NLGN1: variants seen among roughly 807,000 people sequenced by gnomAD.
NLGN1 encodes the protein neuroligin 1.
NLGN1 carries 12 observed loss-of-function variants against 65.5 expected under a neutral mutation model. The ratio of observed to expected loss-of-function variants is 0.18; its 90% confidence interval spans 0.12 to 0.30. The LOEUF (loss-of-function observed/expected upper bound fraction) is 0.30. Among genes scored for constraint, NLGN1 ranks in the 10% least tolerant of loss-of-function variants. NLGN1 has a pLI of 1.00. For synonymous variants in NLGN1, 350 were observed against 359.5 expected (o/e 0.97, Z 0.30); for missense variants, 750 against 1,007.1 (o/e 0.74, Z 3.46).
chr3:174,154,926 TA>T (rs1384180569), intron 4 of NLGN1, among the ~76,000 whole-genome samples: 1 of 70,968 alleles, frequency 1.4e-5, no homozygotes, highest in Non-Finnish European at 2.4e-5. Flanking sequence ...TATTTATATT[TA>T]ATTTATATTT....
chr3:173,398,829 T>G (rs970307360), intron 1 of NLGN1, among the ~76,000 whole-genome samples: 14 of 152,332 alleles, frequency 9.2e-5, no homozygotes, highest in Middle Eastern at 3.4e-3. Flanking sequence ...TATTTTTGCT[T>G]AAGTCAATTG....
intron 2 of NLGN1, among the ~76,000 whole-genome samples, chr3:173,460,539 G>A (rs1342127920): frequency 6.6e-6 from 1 of 152,124 alleles, no homozygotes; most frequent in East Asian, 1.9e-4. Flanking sequence ...CTCAAGAACT[G>A]AAGGTATGGT....
chr3:173,996,482 T>C (rs1449633386), intron 4 of NLGN1, among the ~76,000 whole-genome samples: 1 of 152,142 alleles, frequency 6.6e-6, no homozygotes, highest in Admixed American at 6.6e-5. Context: ...TGGACCACAA[T>C]TTGAGAAACC....
intron 3 of NLGN1, among the ~76,000 whole-genome samples, chr3:173,797,699 C>CAACAAAA (rs1553852792): frequency 6.8e-6 from 1 of 147,218 alleles, no homozygotes; most frequent in Non-Finnish European, 1.5e-5. Flanking sequence ...ACAACAACAA[C>CAACAAAA]AAAAAAAAAC....
At chr3:174,245,856 A>G (rs1195882268) in intron 4 of NLGN1, among the ~76,000 whole-genome samples, 1 of 152,180 alleles carries the variant, frequency 6.6e-6, no homozygotes, top group Non-Finnish European at 1.5e-5. Flanking sequence ...ATTAGATGGA[A>G]AGGTTACCTA....
intron 1 of NLGN1, among the ~76,000 whole-genome samples, chr3:173,430,258 A>G (rs1716936349): frequency 6.6e-6 from 1 of 152,146 alleles, no homozygotes; most frequent in Non-Finnish European, 1.5e-5. Context: ...GAGTCATCAC[A>G]TCCTCAGTTT....
intron 2 of NLGN1, among the ~76,000 whole-genome samples, chr3:173,437,697 G>T (rs1718390958): frequency 6.6e-6 from 1 of 152,032 alleles, no homozygotes; most frequent in Non-Finnish European, 1.5e-5. Flanking sequence ...CGTGCATCGT[G>T]TGTTGTTTCT....
At chr3:173,583,419 G>C (rs1746710793) in intron 2 of NLGN1, among the ~76,000 whole-genome samples, 1 of 152,162 alleles carries the variant, frequency 6.6e-6, no homozygotes, top group Non-Finnish European at 1.5e-5. Context: ...AAAAGTGATG[G>C]CCCAAAGTCA....
intron 4 of NLGN1, among the ~76,000 whole-genome samples, chr3:174,014,007 A>T (rs1272674339): frequency 6.6e-6 from 1 of 151,790 alleles, no homozygotes; most frequent in Non-Finnish European, 1.5e-5. Flanking sequence ...GAGCCACCAC[A>T]CCTGGCTGAA....
rs372675418 is a variant in NLGN1, at chr3:173,872,507, A to G, written c.646+64675A>G. On this transcript the variant is annotated intron_variant, in intron 4 of 6. Coordinates refer to ENST00000457714, the Ensembl canonical transcript of NLGN1. ...AACAAAGTTTTGTGTTAAACAGAAA[A>G]TTTATTCTTCTGCTTTTACTATAGA... is the stretch of plus-strand genomic sequence containing the variant. Among the ~76,000 whole-genome samples the G allele has an allele frequency of 2.6e-5, 4 of 152,102 alleles. 1 individual carries two copies. The highest frequency in any genetic ancestry group is 3.9e-4 in the East Asian group (2 of 5,176).
At chr3:173,788,778 A>G (rs770955789) in intron 3 of NLGN1, among the ~76,000 whole-genome samples, 18 of 145,408 alleles carry the variant, frequency 1.2e-4, no homozygotes, top group Middle Eastern at 7.5e-3. Flanking sequence ...CCATGATCAC[A>G]CCTGTGAATA....
At chr3:173,964,698 T>C (rs1468005296) in intron 4 of NLGN1, among the ~76,000 whole-genome samples, 1 of 152,218 alleles carries the variant, frequency 6.6e-6, no homozygotes. Flanking sequence ...TAATAATGGT[T>C]CTTCCAAAAT....
chr3:173,427,121 CA>C (rs1716253766), intron 1 of NLGN1, among the ~76,000 whole-genome samples: 1 of 151,856 alleles, frequency 6.6e-6, no homozygotes. Flanking sequence ...TGGTTCTTCA[CA>C]ATAATCTCCA....
At chr3:174,184,791 A>G (rs2152751135) in intron 4 of NLGN1, among the ~76,000 whole-genome samples, 1 of 152,304 alleles carries the variant, frequency 6.6e-6, no homozygotes, top group South Asian at 2.1e-4. Context: ...CATGTAGTTC[A>G]TGATAAAATT....
At chr3:173,912,582 T>C (rs915727045) in intron 4 of NLGN1, 1 of 152,166 alleles carries the variant, frequency 6.6e-6, no homozygotes, top group Non-Finnish European at 1.5e-5. Flanking sequence ...CAATGCAGTA[T>C]CATCTCTAAA....
chr3:174,125,606 T>C (rs1718771596), intron 4 of NLGN1, among the ~76,000 whole-genome samples: 1 of 152,118 alleles, frequency 6.6e-6, no homozygotes, highest in Non-Finnish European at 1.5e-5. Flanking sequence ...CTGCTGCATA[T>C]TCCAGTTCGG....
chr3:173,683,786 G>T (rs948758389), intron 3 of NLGN1, among the ~76,000 whole-genome samples: 2 of 152,080 alleles, frequency 1.3e-5, no homozygotes, highest in Admixed American at 1.3e-4. Flanking sequence ...GTCAGGTATA[G>T]TGCTTCGTGC....
At chr3:174,007,479 A>G (rs568983417) in intron 4 of NLGN1, among the ~76,000 whole-genome samples, 7 of 152,150 alleles carry the variant, frequency 4.6e-5, no homozygotes, top group Non-Finnish European at 2.9e-5. Context: ...CATTGCCTGA[A>G]TCTTTCCTGA....
chr3:173,973,919 G>A (rs1716847298), intron 4 of NLGN1, among the ~76,000 whole-genome samples: 1 of 151,914 alleles, frequency 6.6e-6, no homozygotes, highest in Admixed American at 6.6e-5. Context: ...ATACCCTAAT[G>A]ACTACACCTT....
Sources: allele counts gnomAD v4.1 joint callset (sites outside exome capture counted in the v4.1 genomes callset), GRCh38; gene constraint gnomAD v4.1.1; transcripts MANE v1.5; gene names NCBI Gene and HGNC (gene_info 2026-07-23, HGNC 2026-07-21).